The following CBFA2T3 variants were observed in gnomAD, a reference collection of about 807,000 sequenced individuals.
The protein encoded by CBFA2T3 is CBFA2/RUNX1 partner transcriptional co-repressor 3, also known as transcriptional corepressor CBFA2T3.
A neutral mutation model predicts 58.6 loss-of-function variants in CBFA2T3; 31 were observed. The ratio of observed to expected loss-of-function variants is 0.53; its 90% CI spans 0.40 to 0.71. The LOEUF (loss-of-function observed/expected upper bound fraction) is 0.71, where lower values mean the gene tolerates loss of function less well. Ranked by LOEUF, CBFA2T3 falls within the 30% of genes least tolerant of loss-of-function variation. CBFA2T3 has a pLI of 0.00. For missense variants in CBFA2T3, 1,076 were observed against 963.1 expected, an observed-to-expected ratio of 1.12 and a Z score of -1.55; for synonymous variants, 531 against 421.9, an observed-to-expected ratio of 1.26 and a Z score of -3.17.
intron 1 of CBFA2T3, among the ~76,000 whole-genome samples, chr16:88,961,333 C>T (rs990232883): frequency 6.6e-6 from 1 of 152,176 alleles, no homozygotes; most frequent in Non-Finnish European, 1.5e-5. Context: ...CCTGGGCATT[C>T]CCACCACATA....
intron 1 of CBFA2T3, among the ~76,000 whole-genome samples, chr16:88,965,485 C>T (rs139277308): frequency 7.9e-5 from 12 of 152,222 alleles, no homozygotes; most frequent in Non-Finnish European, 1.6e-4. Context: ...ATACTTGGTG[C>T]GCAGCGCCAG....
Position 88,936,295 on chromosome 16 carries a change from C to T in CBFA2T3, c.152-34639G>A, listed in dbSNP as rs191569109. Among the ~76,000 whole-genome samples, 776 of 152,354 alleles carry T rather than the reference C, an allele frequency of 5.1e-3. 6 individuals carry two copies. Among genetic ancestry groups the T allele is most frequent in the African/African-American group, 0.018 (745 of 41,582 alleles). Reference sequence around the variant, plus strand: ...CGGCAGGTCCCACCTGCTGCCTCCCCGGTGTGGACTTTCCTCTGCTGAGTA... The same window carrying T: ...CGGCAGGTCCCACCTGCTGCCTCCCTGGTGTGGACTTTCCTCTGCTGAGTA... On this transcript the variant is annotated intron_variant, in intron 1 of 11. Transcript: ENST00000268679.
At chr16:88,886,240 A>C in intron 5 of CBFA2T3, 98 bp from the exon 6 acceptor site, 15 of 866,952 alleles carry the variant, frequency 1.7e-5, no homozygotes, top group Non-Finnish European at 2.3e-5. Context: ...CCGAAAGCTC[A>C]ACTTGACCTC....
intron 3 of CBFA2T3, among the ~76,000 whole-genome samples, chr16:88,894,216 ACG>A (rs1184102918): frequency 8.0e-5 from 11 of 138,246 alleles, no homozygotes; most frequent in African/African-American, 2.2e-4. Context: ...ACACACATGC[ACG>A]CACACATGCA....
intron 1 of CBFA2T3, among the ~76,000 whole-genome samples, chr16:88,975,165 C>CCTCCAGCCATGTCAGAGGTCCACCCTGAT (rs1567643912): frequency 1.1e-5 from 1 of 87,418 alleles, no homozygotes; most frequent in African/African-American, 3.6e-5. Flanking sequence ...TCCACCCTGA[C>CCTCCAGCCATGTCAGAGGTCCACCCTGAT]CCTCTCTGCT....
intron 7 of CBFA2T3, chr16:88,884,710 C>T: frequency 3.9e-6 from 1 of 253,370 alleles, no homozygotes; most frequent in Admixed American, 5.3e-5. Flanking sequence ...CTCGTCTGGC[C>T]CAGGTGACAG....
chr16:88,904,189 T>A (rs1970213276), intron 1 of CBFA2T3, among the ~76,000 whole-genome samples: 1 of 152,100 alleles, frequency 6.6e-6, no homozygotes, highest in Non-Finnish European at 1.5e-5. Context: ...CCCTGAGCAG[T>A]CGGGGACTTC....
At chr16:88,892,593 A>T (rs1215444605) in intron 3 of CBFA2T3, 108 bp from the exon 4 acceptor site, 2 of 1,279,652 alleles carry the variant, frequency 1.6e-6, no homozygotes, top group Admixed American at 1.7e-5. Flanking sequence ...GTCAAAAGTG[A>T]CGGCAACAAT....
intron 1 of CBFA2T3, among the ~76,000 whole-genome samples, chr16:88,967,515 G>T (rs922230010): frequency 2.0e-5 from 3 of 152,048 alleles, no homozygotes; most frequent in Admixed American, 6.5e-5. Context: ...GGGGTGTGGG[G>T]TGGCTAAGCC....
chr16:88,892,632 G>A (rs1215007397), intron 3 of CBFA2T3, 147 bp from the exon 4 acceptor site: 10 of 980,174 alleles, frequency 1.0e-5, no homozygotes, highest in Non-Finnish European at 1.4e-5. Flanking sequence ...TAGCGCTGAG[G>A]ATGACAGCAG....
At chr16:88,936,617 G>A (rs933022147) in intron 1 of CBFA2T3, among the ~76,000 whole-genome samples, 2 of 152,256 alleles carry the variant, frequency 1.3e-5, no homozygotes, top group African/African-American at 4.8e-5. Flanking sequence ...GGGAAACGCA[G>A]AGGCAGGCGG....
intron 1 of CBFA2T3, among the ~76,000 whole-genome samples, chr16:88,917,910 G>A (rs1380205043): frequency 6.6e-6 from 1 of 152,192 alleles, no homozygotes; most frequent in Non-Finnish European, 1.5e-5. Flanking sequence ...AATCCCCTCT[G>A]TCCCTCCGGG....
intron 1 of CBFA2T3, among the ~76,000 whole-genome samples, chr16:88,921,063 C>G (rs996311337): frequency 6.6e-6 from 1 of 152,254 alleles, no homozygotes; most frequent in Non-Finnish European, 1.5e-5. Context: ...GCTCCGCCCC[C>G]ACCCTGGGCC....
At position 88,942,101 on chromosome 16, in the gene CBFA2T3, T is replaced by C. The variant is rs562120780; in HGVS notation, c.151+34556A>G. Among the ~76,000 whole-genome samples, 30 of 152,290 alleles carry C rather than the reference T, an allele frequency of 2.0e-4. No individual in the cohort carries two copies. In the East Asian group the frequency reaches 4.8e-3, roughly 25 times the overall value. On this transcript the variant is annotated intron_variant, in intron 1 of 11. Transcript: ENST00000268679. ...CATACACTTTGCATTCATTTGCATA[T>C]CGTGCGTTTCATGTCCACCTGCAGA...
At chr16:88,904,091 T>TGGCCACCACCTGCGTGCTCAC (rs536116117) in intron 1 of CBFA2T3, among the ~76,000 whole-genome samples, 4 of 152,142 alleles carry the variant, frequency 2.6e-5, no homozygotes, top group South Asian at 2.1e-4. Flanking sequence ...CAAGGGCTCA[T>TGGCCACCACCTGCGTGCTCAC]GGCCACCACC....
intron 3 of CBFA2T3, among the ~76,000 whole-genome samples, chr16:88,896,278 G>A (rs1969883799): frequency 1.3e-5 from 2 of 152,292 alleles, no homozygotes; most frequent in East Asian, 1.9e-4. Context: ...ACCTCCACAC[G>A]CTGTTCTGAG....
intron 1 of CBFA2T3, among the ~76,000 whole-genome samples, chr16:88,944,350 A>G (rs1030145410): frequency 2.6e-5 from 4 of 151,032 alleles, no homozygotes; most frequent in Non-Finnish European, 5.9e-5. Flanking sequence ...AAAAAAAAAA[A>G]AAAAAAAAAG....
chr16:88,911,685 GA>G (rs1760299440), intron 1 of CBFA2T3, among the ~76,000 whole-genome samples: 1 of 152,264 alleles, frequency 6.6e-6, no homozygotes, highest in African/African-American at 2.4e-5. Context: ...GTCTAGAACA[GA>G]GCGCCTGGCC....
intron 1 of CBFA2T3, among the ~76,000 whole-genome samples, chr16:88,903,668 G>GT (rs1335073305): frequency 7.5e-6 from 1 of 132,790 alleles, no homozygotes; most frequent in Non-Finnish European, 1.6e-5. Context: ...CTGGGGGGGG[G>GT]GGCGTTCCTG....
Sources: gnomAD v4.1 joint callset for allele counts (sites outside exome capture counted in the v4.1 genomes callset) on GRCh38, gnomAD v4.1.1 for gene constraint, MANE v1.5 for transcripts, NCBI Gene and HGNC (gene_info 2026-07-23, HGNC 2026-07-21) for gene names.